Variants in MPZL1 observed in about 807,000 individuals in gnomAD.
The protein encoded by MPZL1 is myelin protein zero like 1, also known as myelin protein zero-like protein 1.
Under a neutral mutation model 29.3 loss-of-function variants are expected in MPZL1, and 16 were observed. The ratio of observed to expected loss-of-function variants is 0.55; its 90% CI spans 0.37 to 0.83. The LOEUF (loss-of-function observed/expected upper bound fraction) is 0.83, where lower values mean the gene tolerates loss of function less well. Among genes scored for constraint, MPZL1 ranks in the 40% least tolerant of loss-of-function variants. The pLI is 0.00. For missense variants in MPZL1, 279 were observed against 332.9 expected, an observed-to-expected ratio of 0.84 and a Z score of 1.26; for synonymous variants, 143 against 132.0, an observed-to-expected ratio of 1.08 and a Z score of -0.57.
At chr1:167,782,925 A>G (rs1429174218) in intron 5 of MPZL1, among the ~76,000 whole-genome samples, 1 of 152,188 alleles carries the variant, frequency 6.6e-6, no homozygotes, top group Non-Finnish European at 1.5e-5. Context: ...ACGCAGTCCT[A>G]TTGACACCTT....
intron 5 of MPZL1, among the ~76,000 whole-genome samples, chr1:167,778,257 G>A (rs1471174754): frequency 6.6e-6 from 1 of 151,230 alleles, no homozygotes; most frequent in African/African-American, 2.4e-5. Context: ...GGAGGCAGAG[G>A]TTGCAGTAAG....
At chr1:167,722,372 T>G in intron 1 of MPZL1, 130 bp downstream of exon 1, 1 of 1,221,860 alleles carries the variant, frequency 8.2e-7, no homozygotes, top group Non-Finnish European at 1.0e-6. Context: ...CGGCCTGCGC[T>G]CTCTGGGGCC....
intron 1 of MPZL1, among the ~76,000 whole-genome samples, chr1:167,761,928 G>A (rs573981895): frequency 6.6e-6 from 1 of 152,172 alleles, no homozygotes; most frequent in Non-Finnish European, 1.5e-5. Flanking sequence ...TCTGAGTAAG[G>A]CAAATGAAGA....
chr1:167,777,271 G>A (rs982913292), intron 5 of MPZL1, among the ~76,000 whole-genome samples: 4 of 152,174 alleles, frequency 2.6e-5, no homozygotes, highest in African/African-American at 9.7e-5. Context: ...TTCCGCCCTT[G>A]AAGCACTATG....
At chr1:167,765,290 C>T (rs558966818) in intron 1 of MPZL1, 1 of 166,902 alleles carries the variant, frequency 6.0e-6, no homozygotes, top group African/African-American at 2.4e-5. Flanking sequence ...TTCTGTAAAC[C>T]TGAAACTGCT....
At chr1:167,725,630 C>T (rs1437843640) in intron 1 of MPZL1, among the ~76,000 whole-genome samples, 3 of 152,136 alleles carry the variant, frequency 2.0e-5, no homozygotes, top group African/African-American at 7.2e-5. Context: ...GGACTACAGG[C>T]GCATGCCACC....
At chr1:167,756,762 A>G (rs1660876999) in intron 1 of MPZL1, among the ~76,000 whole-genome samples, 1 of 152,090 alleles carries the variant, frequency 6.6e-6, no homozygotes, top group South Asian at 2.1e-4. Flanking sequence ...TTTCTTGAAC[A>G]CATTGTGAAA....
At chr1:167,777,687 C>G (rs192979222) in intron 5 of MPZL1, among the ~76,000 whole-genome samples, 181 of 152,248 alleles carry the variant, frequency 1.2e-3, no homozygotes, top group African/African-American at 4.2e-3. Context: ...TCTCTGAAAC[C>G]AGGGGAAGAA....
chr1:167,787,811 C>G lies in MPZL1; in HGVS notation c.709-9C>G, dbSNP rs1019102371. Reference sequence around the variant, plus strand: ...TCAGTCCTCTAATCCTTCTGCTTCCCTTTTCCAGGGCCCAGTCATATATGC... The same window carrying G: ...TCAGTCCTCTAATCCTTCTGCTTCCGTTTTCCAGGGCCCAGTCATATATGC... On this transcript the variant is annotated splice_polypyrimidine_tract_variant and intron_variant, in intron 5 of 5. Transcript: ENST00000359523. 4.4e-6 allele frequency: 7 copies of G among 1,604,822 alleles called. No individual in the cohort carries two copies. The highest frequency in any genetic ancestry group is 6.0e-6 in the Non-Finnish European group (7 of 1,171,774).
chr1:167,780,742 T>G (rs1026974500), intron 5 of MPZL1, among the ~76,000 whole-genome samples: 1 of 152,074 alleles, frequency 6.6e-6, no homozygotes, highest in Non-Finnish European at 1.5e-5. Context: ...GAAGGAAGAA[T>G]AGGGAGTTGT....
intron 1 of MPZL1, among the ~76,000 whole-genome samples, chr1:167,723,015 C>G (rs1038792485): frequency 6.6e-6 from 1 of 152,146 alleles, no homozygotes; most frequent in Admixed American, 6.5e-5. Context: ...AATATTGTGA[C>G]TCAAGCTTAA....
chr1:167,723,843 C>CT (rs1368273268), intron 1 of MPZL1, among the ~76,000 whole-genome samples: 1 of 152,188 alleles, frequency 6.6e-6, no homozygotes, highest in Non-Finnish European at 1.5e-5. Flanking sequence ...GCCAAATCAC[C>CT]TCTTTTCTGG....
At chr1:167,751,396 G>A (rs1044444634) in intron 1 of MPZL1, among the ~76,000 whole-genome samples, 7 of 152,134 alleles carry the variant, frequency 4.6e-5, no homozygotes, top group South Asian at 2.1e-4. Context: ...TGCGCCGGGC[G>A]CGGTGGCTCA....
intron 1 of MPZL1, among the ~76,000 whole-genome samples, chr1:167,762,627 A>G (rs895555504): frequency 2.6e-5 from 4 of 152,230 alleles, no homozygotes; most frequent in African/African-American, 9.6e-5. Flanking sequence ...TTACACCTAC[A>G]CTTGTTATAG....
chr1:167,739,552 C>G (rs898031361), intron 1 of MPZL1, among the ~76,000 whole-genome samples: 1 of 151,718 alleles, frequency 6.6e-6, no homozygotes, highest in African/African-American at 2.4e-5. Flanking sequence ...TGTAATTTAC[C>G]TTATACAGAT....
intron 2 of MPZL1, among the ~76,000 whole-genome samples, chr1:167,767,819 T>G (rs61614577): frequency 0.075 from 8,627 of 114,432 alleles, 588 homozygotes; most frequent in African/African-American, 0.17. Context: ...TTTTTTTAGG[T>G]TAATTGTGTT....
chr1:167,773,528 G>T (rs1661296749), intron 4 of MPZL1, 160 bp downstream of exon 4: 1 of 691,760 alleles, frequency 1.4e-6, no homozygotes, highest in Non-Finnish European at 2.3e-6. Context: ...ACATGGGCAA[G>T]TGGAAATCAG....
chr1:167,748,794 A>G (rs1445475422), intron 1 of MPZL1, among the ~76,000 whole-genome samples: 2 of 152,128 alleles, frequency 1.3e-5, no homozygotes, highest in Non-Finnish European at 2.9e-5. Flanking sequence ...ATTTTTGTAT[A>G]TGATGTGCTT....
chr1:167,786,602 C>T (rs1195523066), intron 5 of MPZL1, among the ~76,000 whole-genome samples: 1 of 152,164 alleles, frequency 6.6e-6, no homozygotes, highest in Non-Finnish European at 1.5e-5. Context: ...TTTCTAACTC[C>T]GCTTTTAGAT....
Sources: allele counts gnomAD v4.1 joint callset (sites outside exome capture counted in the v4.1 genomes callset), GRCh38; gene constraint gnomAD v4.1.1; transcripts MANE v1.5; gene names NCBI Gene and HGNC (gene_info 2026-07-23, HGNC 2026-07-21).